NAPB: variants seen among roughly 807,000 people sequenced by gnomAD.
NAPB encodes the protein beta-soluble NSF attachment protein.
NAPB carries 26 observed loss-of-function variants against 44.7 expected under a neutral mutation model. That is an observed-to-expected ratio of 0.58 (90% confidence interval 0.43 to 0.81). The LOEUF (loss-of-function observed/expected upper bound fraction) is 0.81. NAPB is among the 30% of genes least tolerant of loss of function. The pLI is 0.00. For synonymous variants in NAPB, 120 were observed against 116.8 expected, an observed-to-expected ratio of 1.03 and a Z score of -0.18; for missense variants, 315 against 356.4, an observed-to-expected ratio of 0.88 and a Z score of 0.94.
At chr20:23,416,475 A>T (rs965303127) in intron 1 of NAPB, among the ~76,000 whole-genome samples, 1 of 152,132 alleles carries the variant, frequency 6.6e-6, no homozygotes, top group Non-Finnish European at 1.5e-5. Flanking sequence ...CTGAAAACTA[A>T]AAAAAACAAG....
intron 1 of NAPB, among the ~76,000 whole-genome samples, chr20:23,405,079 G>A (rs1460089067): frequency 6.6e-6 from 1 of 152,098 alleles, no homozygotes; most frequent in African/African-American, 2.4e-5. Flanking sequence ...GAGGCTGGAG[G>A]ATCACCTGAG....
chr20:23,398,103 T>A (rs1025200291), intron 2 of NAPB, among the ~76,000 whole-genome samples: 2 of 152,164 alleles, frequency 1.3e-5, no homozygotes, highest in African/African-American at 4.8e-5. Context: ...TGAGGCTGCA[T>A]CAGGCCACTT....
chr20:23,393,125 T>C (rs1984092943), intron 5 of NAPB, among the ~76,000 whole-genome samples: 1 of 151,986 alleles, frequency 6.6e-6, no homozygotes. Context: ...CAGATCCATC[T>C]CCCTCCCATT....
At position 23,397,398 on chromosome 20, in the gene NAPB, G is replaced by A. The variant is rs565664858; in HGVS notation, c.179-210C>T. ...CAGCGATGAAAGCTTCTCCACCTCAGCTCCAGCAGACTTTCCAAGTGTCCC... is the reference window on the plus strand; with the variant it reads ...CAGCGATGAAAGCTTCTCCACCTCAACTCCAGCAGACTTTCCAAGTGTCCC... On this transcript the variant is annotated intron_variant, in intron 2 of 10. Transcript: ENST00000377026. 1.2e-4 allele frequency among the ~76,000 whole-genome samples: 18 copies of A among 152,312 alleles called. 1 individual carries two copies. In the South Asian group the frequency reaches 3.7e-3, roughly 32 times the overall value.
At chr20:23,402,141 CT>C (rs1310765916) in intron 2 of NAPB, among the ~76,000 whole-genome samples, 2 of 152,196 alleles carry the variant, frequency 1.3e-5, no homozygotes, top group Non-Finnish European at 2.9e-5. Flanking sequence ...TTAGAATCAT[CT>C]AGCTCAAAAG....
At chr20:23,406,229 G>C (rs1320508301) in intron 1 of NAPB, among the ~76,000 whole-genome samples, 1 of 152,126 alleles carries the variant, frequency 6.6e-6, no homozygotes, top group Non-Finnish European at 1.5e-5. Flanking sequence ...CCAGGCTAAG[G>C]TTATTGTGTT....
At chr20:23,390,063 A>T in intron 6 of NAPB, 33 bp from the exon 7 acceptor site, 1 of 1,607,396 alleles carries the variant, frequency 6.2e-7, no homozygotes, top group South Asian at 1.1e-5. Flanking sequence ...AGTGAGTAAC[A>T]AGTCAATGGA....
chr20:23,380,570 TG>T (rs1269414013), intron 8 of NAPB: 3 of 152,140 alleles, frequency 2.0e-5, no homozygotes, highest in Non-Finnish European at 4.4e-5. Flanking sequence ...TCACCCAGGC[TG>T]GAGTGCAGTG....
At chr20:23,397,227 C>G (rs756754767) in intron 2 of NAPB, 39 bp from the exon 3 acceptor site, 6 of 1,583,418 alleles carry the variant, frequency 3.8e-6, no homozygotes, top group Admixed American at 3.4e-5. Context: ...AGGAACAAGT[C>G]CCCCCCAGAG....
At chr20:23,401,843 T>C (rs893928345) in intron 2 of NAPB, among the ~76,000 whole-genome samples, 1 of 152,224 alleles carries the variant, frequency 6.6e-6, no homozygotes, top group Non-Finnish European at 1.5e-5. Context: ...ATTGTACCAC[T>C]GCACTCTAGC....
chr20:23,384,762 T>G (rs1983340997), intron 7 of NAPB, among the ~76,000 whole-genome samples: 4 of 152,072 alleles, frequency 2.6e-5, no homozygotes, highest in Admixed American at 2.6e-4. Context: ...TATAAATAAC[T>G]GCATTAAATG....
chr20:23,388,763 T>TG (rs1415669387), intron 7 of NAPB, among the ~76,000 whole-genome samples: 1 of 152,126 alleles, frequency 6.6e-6, no homozygotes, highest in Non-Finnish European at 1.5e-5. Flanking sequence ...TAACTCAAAA[T>TG]GGATAAAAGA....
chr20:23,403,365 G>T (rs549657864), intron 1 of NAPB, among the ~76,000 whole-genome samples: 1 of 152,164 alleles, frequency 6.6e-6, no homozygotes, highest in Non-Finnish European at 1.5e-5. Context: ...AACTTTGGGA[G>T]GCCAAGGCGG....
intron 7 of NAPB, among the ~76,000 whole-genome samples, chr20:23,385,726 A>AAGAGAAAGAGAGAG (rs1983454044): frequency 6.9e-6 from 1 of 145,544 alleles, no homozygotes; most frequent in African/African-American, 2.8e-5. Context: ...GAAGAGAAAG[A>AAGAGAAAGAGAGAG]AGAGAAAGAA....
chr20:23,400,319 C>G (rs1024591506), intron 2 of NAPB, among the ~76,000 whole-genome samples: 11 of 152,176 alleles, frequency 7.2e-5, no homozygotes, highest in African/African-American at 2.7e-4. Context: ...GAGTTCAAGA[C>G]CAGCCTGGCC....
In NAPB at chr20:23,420,157, A is replaced by C. The variant is rs530133453; in HGVS notation, c.98+1148T>G. Among the ~76,000 whole-genome samples the C allele has an allele frequency of 3.9e-3, 589 of 152,302 alleles. 2 individuals carry two copies. Among genetic ancestry groups the C allele is most frequent in the African/African-American group, 0.014 (570 of 41,566 alleles). On this transcript the variant is annotated intron_variant, in intron 1 of 10. Coordinates refer to ENST00000377026, the MANE Select transcript of NAPB (RefSeq NM_022080.3). ...CATCCTAAACAGCTGAATCATTCACATATTCAACAGCCCAGAATTCTTCCG... is the reference window on the plus strand; with the variant it reads ...CATCCTAAACAGCTGAATCATTCACCTATTCAACAGCCCAGAATTCTTCCG...
intron 7 of NAPB, among the ~76,000 whole-genome samples, chr20:23,385,779 GAGAGAA>G (rs1397789094): frequency 6.6e-6 from 1 of 151,648 alleles, no homozygotes; most frequent in African/African-American, 2.4e-5. Context: ...GAGAGAGAGA[GAGAGAA>G]AGAGAAAGAA....
At chr20:23,403,863 C>T (rs542407365) in intron 1 of NAPB, among the ~76,000 whole-genome samples, 5 of 152,150 alleles carry the variant, frequency 3.3e-5, no homozygotes, top group Non-Finnish European at 7.3e-5. Flanking sequence ...GAGAAAGTGG[C>T]ACGACATTCT....
intron 1 of NAPB, among the ~76,000 whole-genome samples, chr20:23,409,072 T>C (rs555977512): frequency 6.6e-6 from 1 of 152,326 alleles, no homozygotes; most frequent in African/African-American, 2.4e-5. Context: ...TCAGACCACC[T>C]ACAAATGAAC....
Sources: gnomAD v4.1 joint callset for allele counts (sites outside exome capture counted in the v4.1 genomes callset) on GRCh38, gnomAD v4.1.1 for gene constraint, MANE v1.5 for transcripts, NCBI Gene and HGNC (gene_info 2026-07-23, HGNC 2026-07-21) for gene names.